The following HMCN1 variants were observed in gnomAD, a reference collection of about 807,000 sequenced individuals.
HMCN1 encodes the protein hemicentin 1, also known as hemicentin-1.
HMCN1 carries 321 observed loss-of-function variants against 625.9 expected under a neutral mutation model. The ratio of observed to expected loss-of-function variants is 0.51; its 90% CI spans 0.47 to 0.56. HMCN1 has a LOEUF of 0.56. Ranked by LOEUF, HMCN1 falls within the 20% of genes least tolerant of loss-of-function variation. The pLI is 0.00. For synonymous variants in HMCN1, 2,425 were observed against 2,417.6 expected (o/e 1.00, Z -0.09); for missense variants, 6,588 against 6,887.3 (o/e 0.96, Z 1.54).
At chr1:185,794,920 G>T (rs1291915777) in intron 1 of HMCN1, among the ~76,000 whole-genome samples, 1 of 152,170 alleles carries the variant, frequency 6.6e-6, no homozygotes, top group Admixed American at 6.5e-5. Flanking sequence ...ATTTGGGGTA[G>T]AAATTTTTAG....
intron 95 of HMCN1, 109 bp downstream of exon 95, chr1:186,151,852 AAT>A (rs1650687788): frequency 3.5e-6 from 4 of 1,158,634 alleles, no homozygotes; most frequent in Non-Finnish European, 5.1e-6. Context: ...CTTTTTACGC[AAT>A]CTTATAAGTG....
intron 4 of HMCN1, among the ~76,000 whole-genome samples, chr1:185,870,468 C>T (rs1017225710): frequency 2.0e-5 from 3 of 152,168 alleles, no homozygotes; most frequent in African/African-American, 7.2e-5. Context: ...TATCCTGTAA[C>T]ATTCCCTTCC....
At chr1:186,003,678 C>T (rs1653342604) in intron 28 of HMCN1, 40 bp from the exon 29 acceptor site, 2 of 1,608,018 alleles carry the variant, frequency 1.2e-6, no homozygotes, top group African/African-American at 1.3e-5. Context: ...GCTCTTTTTG[C>T]TGAGTAACAG....
chr1:185,813,829 C>G (rs1030808479), intron 1 of HMCN1, among the ~76,000 whole-genome samples: 2 of 152,052 alleles, frequency 1.3e-5, no homozygotes, highest in Admixed American at 6.6e-5. Context: ...TTTGACTTAC[C>G]TTAAACGTAT....
At chr1:185,964,991 CTA>C (rs1250826540) in intron 13 of HMCN1, among the ~76,000 whole-genome samples, 2 of 152,026 alleles carry the variant, frequency 1.3e-5, no homozygotes, top group Non-Finnish European at 2.9e-5. Flanking sequence ...GAAAGAGAGT[CTA>C]TGGAATTTTG....
Position 186,106,881 on chromosome 1 carries a change from T to A in HMCN1, c.10771-3T>A, listed in dbSNP as rs1281721359. On this transcript the variant is annotated splice_polypyrimidine_tract_variant and splice_region_variant and intron_variant, in intron 69 of 106. Coordinates refer to ENST00000271588, the MANE Select transcript of HMCN1 (RefSeq NM_031935.3). ...TATGTAATTCATTATTTGGGTTTTG[T>A]AGGTGGAGGATACAGGAAGATATAC... The A allele has an allele frequency of 6.3e-7, 1 of 1,597,360 alleles. No homozygotes were observed.
At chr1:186,158,489 T>C (rs901955579) in intron 97 of HMCN1, among the ~76,000 whole-genome samples, 31 of 152,212 alleles carry the variant, frequency 2.0e-4, no homozygotes, top group African/African-American at 7.0e-4. Flanking sequence ...CTTTTGGTGT[T>C]TTAGACATGA....
chr1:185,946,999 T>C (rs1668381558), intron 11 of HMCN1, among the ~76,000 whole-genome samples: 1 of 152,226 alleles, frequency 6.6e-6, no homozygotes, highest in South Asian at 2.1e-4. Flanking sequence ...GTTGCTCTTC[T>C]CTTATTAACT....
At chr1:185,926,581 T>C (rs1667288397) in intron 9 of HMCN1, among the ~76,000 whole-genome samples, 1 of 152,200 alleles carries the variant, frequency 6.6e-6, no homozygotes, top group South Asian at 2.1e-4. Context: ...AGGTAAGCCA[T>C]GAGAATTCTT....
chr1:185,787,801 A>AT (rs1415883837), intron 1 of HMCN1, among the ~76,000 whole-genome samples: 2 of 152,102 alleles, frequency 1.3e-5, no homozygotes, highest in African/African-American at 2.4e-5. Flanking sequence ...TTTATGATAC[A>AT]TTTTTTCTAT....
intron 1 of HMCN1, among the ~76,000 whole-genome samples, chr1:185,775,560 C>T (rs1020200802): frequency 6.6e-6 from 1 of 152,148 alleles, no homozygotes; most frequent in African/African-American, 2.4e-5. Flanking sequence ...CAGGCTGGCT[C>T]CTATGGTTTG....
At chr1:185,948,545 G>T (rs1190119979) in intron 11 of HMCN1, among the ~76,000 whole-genome samples, 3 of 151,418 alleles carry the variant, frequency 2.0e-5, no homozygotes, top group Admixed American at 6.6e-5. Context: ...CTTTCACAAG[G>T]TAATGTCATC....
intron 63 of HMCN1, 111 bp from the exon 64 acceptor site, chr1:186,090,647 C>A: frequency 7.9e-7 from 1 of 1,265,066 alleles, no homozygotes; most frequent in Non-Finnish European, 1.1e-6. Context: ...GACCTTGAAC[C>A]ATAATCTACA....
intron 18 of HMCN1, among the ~76,000 whole-genome samples, chr1:185,983,795 A>T (rs1244833357): frequency 6.6e-6 from 1 of 152,220 alleles, no homozygotes; most frequent in African/African-American, 2.4e-5. Flanking sequence ...ATGGCTTGCT[A>T]GTGGTAATAA....
chr1:185,856,812 T>A (rs1558018678), intron 2 of HMCN1, among the ~76,000 whole-genome samples: 1 of 152,184 alleles, frequency 6.6e-6, no homozygotes, highest in Non-Finnish European at 1.5e-5. Flanking sequence ...AAGACGAGAA[T>A]AGAAGAATTG....
intron 4 of HMCN1, among the ~76,000 whole-genome samples, chr1:185,893,133 C>T (rs1665238158): frequency 6.6e-6 from 1 of 152,276 alleles, no homozygotes; most frequent in Non-Finnish European, 1.5e-5. Flanking sequence ...ACCCCTTGCA[C>T]TTCCTGAGTG....
At position 186,059,918 on chromosome 1, in the gene HMCN1, C is replaced by G. The variant is rs914386625; in HGVS notation, c.7313-1933C>G. ...ACTTATGAGGTTGACGTTTGTAGAGCCAGCAGTGATTCATAAAAGTTGTAT... is the reference window on the plus strand; with the variant it reads ...ACTTATGAGGTTGACGTTTGTAGAGGCAGCAGTGATTCATAAAAGTTGTAT... On this transcript the variant is annotated intron_variant, in intron 46 of 106. Transcript: ENST00000271588. Among the ~76,000 whole-genome samples the G allele has an allele frequency of 7.9e-5, 12 of 152,034 alleles. No individual in the cohort carries two copies. In the South Asian group the frequency reaches 2.3e-3, roughly 29 times the overall value.
intron 4 of HMCN1, among the ~76,000 whole-genome samples, chr1:185,895,871 C>T (rs1665456692): frequency 6.6e-6 from 1 of 152,094 alleles, no homozygotes; most frequent in Admixed American, 6.5e-5. Flanking sequence ...TAATTCATAA[C>T]TTATAAATTG....
intron 48 of HMCN1, among the ~76,000 whole-genome samples, chr1:186,063,443 G>GGA (rs1657887173): frequency 2.9e-5 from 4 of 136,578 alleles, no homozygotes; most frequent in African/African-American, 1.1e-4. Context: ...AGGGAGGGAC[G>GGA]GAGAGAGAAG....
Sources: gnomAD v4.1 joint callset for allele counts (sites outside exome capture counted in the v4.1 genomes callset) on GRCh38, gnomAD v4.1.1 for gene constraint, MANE v1.5 for transcripts, NCBI Gene and HGNC (gene_info 2026-07-23, HGNC 2026-07-21) for gene names.